Variants in PUM1 observed in about 807,000 individuals in gnomAD.
PUM1 encodes the protein pumilio RNA binding family member 1.
In PUM1, 13 loss-of-function variants were observed where a neutral mutation model predicts 131.8. That is an observed-to-expected ratio of 0.10 (90% CI 0.06 to 0.16). The LOEUF is 0.16. PUM1 is among the 10% of genes least tolerant of loss of function. PUM1 has a pLI of 1.00. For missense variants in PUM1, 961 were observed against 1,512.4 expected (o/e 0.64, Z 6.05); for synonymous variants, 509 against 556.5 (o/e 0.91, Z 1.20).
In PUM1 at chr1:30,966,002, A is replaced by C; in HGVS notation, c.2066T>G (p.Leu689Arg). Residue 689 changes from leucine (L) to arginine (R), a missense_variant, in exon 13 of 22, where the codon CTT (leucine) becomes CGT (arginine). Physicochemically the swap from Leu to Arg is moderately radical, Grantham distance 102. Around this residue, in one of 4 missense-constraint regions of PUM1, gnomAD observed 654 missense variants for 923.9 expected, o/e 0.71. Coordinates refer to ENST00000426105, the MANE Select transcript of PUM1 (RefSeq NM_001020658.2). ...SSLGATLGSA[L>R]GGFGTAVANS... ...TCTACCTGCTGTTCCAAACCCTCCAAGGGCGGATCCCAGGGTGGCGCCGAG... is the reference window on the plus strand; with the variant it reads ...TCTACCTGCTGTTCCAAACCCTCCACGGGCGGATCCCAGGGTGGCGCCGAG... 1 of 1,613,904 alleles carries C rather than the reference A, an allele frequency of 6.2e-7. No individual in the cohort carries two copies. Among genetic ancestry groups the C allele is most frequent in the Non-Finnish European group, 8.5e-7 (1 of 1,179,904 alleles).
intron 2 of PUM1, among the ~76,000 whole-genome samples, chr1:31,045,789 T>A (rs1570345391): frequency 6.6e-6 from 1 of 151,738 alleles, no homozygotes; most frequent in South Asian, 2.1e-4. Context: ...TCAACAAAAA[T>A]CAATAGTTCA....
intron 2 of PUM1, among the ~76,000 whole-genome samples, chr1:31,033,709 T>C (rs1203670093): frequency 6.6e-6 from 1 of 151,534 alleles, no homozygotes; most frequent in Non-Finnish European, 1.5e-5. Flanking sequence ...TTACCTAGGC[T>C]GGAATGCAGT....
Position 31,065,660 on chromosome 1 carries a change from C to T in PUM1, c.-56G>A. 1 of 1,549,896 alleles carries T rather than the reference C, an allele frequency of 6.5e-7. No individual in the cohort carries two copies. The highest frequency in any genetic ancestry group is 8.7e-7 in the Non-Finnish European group (1 of 1,146,872). ...AGATGGATTTCAGCCCCCCGATCTT[C>T]TCTCTCTGGCGCTCTCGCTCCCCCT... On this transcript the variant is annotated 5_prime_UTR_variant, in exon 1 of 22. Transcript: ENST00000426105.
chr1:30,983,498 A>G (rs1641431428), intron 7 of PUM1, among the ~76,000 whole-genome samples: 1 of 152,210 alleles, frequency 6.6e-6, no homozygotes, highest in Non-Finnish European at 1.5e-5. Flanking sequence ...GAACTGGGGA[A>G]AAAAAGACAG....
At chr1:31,019,947 T>C (rs556618631) in intron 3 of PUM1, among the ~76,000 whole-genome samples, 1 of 152,300 alleles carries the variant, frequency 6.6e-6, no homozygotes, top group African/African-American at 2.4e-5. Flanking sequence ...ATGTGCAGGT[T>C]TGTTACATGG....
chr1:30,975,382 T>C (rs552536298), intron 9 of PUM1, among the ~76,000 whole-genome samples: 18 of 151,918 alleles, frequency 1.2e-4, no homozygotes, highest in African/African-American at 4.1e-4. Context: ...AGACAGGGTC[T>C]CTCTGTCACC....
At chr1:30,938,593 G>A (rs1472713559) in intron 20 of PUM1, among the ~76,000 whole-genome samples, 7 of 152,184 alleles carry the variant, frequency 4.6e-5, no homozygotes, top group East Asian at 3.9e-4. Flanking sequence ...AGCCGGGCAC[G>A]GTGGCTGACA....
chr1:30,988,724 T>C (rs527688339), intron 7 of PUM1, among the ~76,000 whole-genome samples: 1 of 152,318 alleles, frequency 6.6e-6, no homozygotes, highest in East Asian at 1.9e-4. Context: ...TGTACACTCG[T>C]CTTCTACTCT....
At chr1:30,941,573 T>C (rs1639439356) in intron 19 of PUM1, among the ~76,000 whole-genome samples, 1 of 152,178 alleles carries the variant, frequency 6.6e-6, no homozygotes, top group African/African-American at 2.4e-5. Context: ...TGCACCTATC[T>C]ATAACAGAGA....
rs1438083829 is a variant in PUM1, at chr1:30,932,667, T to TATA, written c.*543_*544insTAT. The TATA allele has an allele frequency of 4.7e-4, 67 of 143,968 alleles. No homozygotes were observed. The highest frequency in any genetic ancestry group is 3.7e-3 in the East Asian group (18 of 4,838). 8.9% of individuals were successfully genotyped at this position (143,968 alleles called of 1,614,324 possible). On this transcript the variant is annotated 3_prime_UTR_variant, in exon 22 of 22. Transcript: ENST00000426105. ...TATATATATATATATATATATATAT[T>TATA]TTTTATAAACAGTGTTAAATGCCAG...
intron 15 of PUM1, 65 bp from the exon 16 acceptor site, chr1:30,952,428 C>T: frequency 6.2e-7 from 1 of 1,607,974 alleles, no homozygotes; most frequent in Non-Finnish European, 8.5e-7. Context: ...CATCAGTGTA[C>T]CTCGGTTTAT....
chr1:30,966,320 G>A, intron 12 of PUM1, 42 bp from the exon 13 acceptor site: 1 of 1,514,102 alleles, frequency 6.6e-7, no homozygotes, highest in Non-Finnish European at 8.8e-7. Flanking sequence ...GAAAGGGACT[G>A]GCCACATTTC....
intron 2 of PUM1, among the ~76,000 whole-genome samples, chr1:31,038,860 AC>A (rs931786780): frequency 4.0e-4 from 60 of 150,546 alleles, no homozygotes; most frequent in African/African-American, 1.4e-3. Context: ...TTAACCTGGT[AC>A]TGTAATAGGA....
chr1:31,059,492 G>A lies in PUM1; in HGVS notation c.75C>T (p.His25=), dbSNP rs368654186. ...TGTTGGGATTAGCTGGTTCTTGAGG[G>A]TGATGTTTCAGGTGGGGGCTGAAAG... The part of the protein sequence containing the change: ...QDSFSPHLKH[H]PQEPANPNMP... The change falls in exon 2 of 22, where the codon CAC becomes CAT. Residue 25 remains histidine (H), a synonymous_variant. Transcript: ENST00000426105. The A allele has an allele frequency of 4.3e-6, 7 of 1,614,062 alleles. No individual in the cohort carries two copies. The African/African-American group carries it at 8.0e-5, about 18-fold the overall frequency.
At chr1:31,028,729 TGATGAAA>T (rs1284922581) in intron 3 of PUM1, 60 bp downstream of exon 3, 3 of 1,252,490 alleles carry the variant, frequency 2.4e-6, no homozygotes, top group Admixed American at 1.7e-5. Context: ...TGGACACATT[TGATGAAA>T]GACAACTCCA....
rs142998751 is a variant in PUM1 at position 31,049,663 on chromosome 1, G to A, written c.363+9541C>T. Among the ~76,000 whole-genome samples, 474 of 151,960 alleles carry A rather than the reference G, an allele frequency of 3.1e-3. 2 individuals carry two copies. The highest frequency in any genetic ancestry group is 4.9e-3 in the Non-Finnish European group (330 of 67,988). On this transcript the variant is annotated intron_variant, in intron 2 of 21. Transcript: ENST00000426105. ...CCACTTCTCTCCAGCCTAGGTGAAA[G>A]GATGAAACTCCATCTCAAAAAAATA...
chr1:30,993,251 T>C (rs1002866281), intron 6 of PUM1, among the ~76,000 whole-genome samples: 1 of 151,334 alleles, frequency 6.6e-6, no homozygotes, highest in Non-Finnish European at 1.5e-5. Context: ...ACTCATTATC[T>C]AGGATATGCC....
chr1:30,971,076 T>C (rs1221556048), intron 10 of PUM1, among the ~76,000 whole-genome samples: 3 of 152,236 alleles, frequency 2.0e-5, no homozygotes, highest in African/African-American at 7.2e-5. Flanking sequence ...ATTTCATCAA[T>C]AGCTGTCAAA....
intron 3 of PUM1, among the ~76,000 whole-genome samples, chr1:31,024,145 T>A (rs1368461627): frequency 6.6e-6 from 1 of 152,168 alleles, no homozygotes; most frequent in Non-Finnish European, 1.5e-5. Context: ...AACATCTTTG[T>A]CTTACGGGTA....
Sources: gnomAD v4.1 joint callset for allele counts (sites outside exome capture counted in the v4.1 genomes callset) on GRCh38, gnomAD v4.1.1 for gene constraint, gnomAD v4.1.1 regional missense constraint, MANE v1.5 for transcripts, NCBI Gene and HGNC (gene_info 2026-07-23, HGNC 2026-07-21) for gene names.